AGBL1: variants seen among roughly 807,000 people sequenced by gnomAD.
AGBL1 encodes the protein cytosolic carboxypeptidase 4.
A neutral mutation model predicts 118.9 loss-of-function variants in AGBL1; 130 were observed. The ratio of observed to expected loss-of-function variants is 1.09; its 90% confidence interval spans 0.95 to 1.26. The LOEUF is 1.26. Among genes scored for constraint, AGBL1 ranks in the 50% most tolerant of loss-of-function variants. The pLI is 0.00. For synonymous variants in AGBL1, 555 were observed against 478.9 expected (o/e 1.16, Z -2.08); for missense variants, 1,584 against 1,298.1 (o/e 1.22, Z -3.38).
At position 86,780,178 on chromosome 15, in the gene AGBL1, A is replaced by G. The variant is rs559132492; in HGVS notation, c.3158+105742A>G. Among the ~76,000 whole-genome samples, 22 of 126,432 alleles carry G rather than the reference A, an allele frequency of 1.7e-4. 1 individual carries two copies. The highest frequency in any genetic ancestry group is 3.0e-4 in the Non-Finnish European group (18 of 59,450). The allele number at this position is 126,432 out of a possible 152,430, so 82.9% of individuals were successfully genotyped here. On this transcript the variant is annotated intron_variant, in intron 22 of 22. Coordinates refer to ENST00000614907, the MANE Select transcript of AGBL1 (RefSeq NM_001386094.1). ...TATATAATATGATGTAAGGAACAAG[A>G]CACATTTTCTTGCCATTGACATCAG...
At chr15:86,249,481 C>T (rs2078773907) in intron 7 of AGBL1, among the ~76,000 whole-genome samples, 1 of 152,146 alleles carries the variant, frequency 6.6e-6, no homozygotes, top group Non-Finnish European at 1.5e-5. Context: ...GGTTTCTTTC[C>T]ATCATTACAG....
intron 19 of AGBL1, among the ~76,000 whole-genome samples, chr15:86,525,444 A>G (rs1596224844): frequency 6.6e-6 from 1 of 152,168 alleles, no homozygotes; most frequent in East Asian, 1.9e-4. Flanking sequence ...CTTAGCAAAA[A>G]GAATAATCTG....
rs1006040529 is a variant in AGBL1, at chr15:86,142,036, C to T, written c.84C>T (p.Ile28=). The stretch of plus-strand genomic sequence containing the variant: ...CTGACAAGGAGTCCATCCTGACCAT[C>T]CTCAAGGTCCTCGGAGATCTGCTTT... ...SSSDKESILT[I]LKVLGDLLSV... Residue 28 remains isoleucine (I), a synonymous_variant, in exon 2 of 23, where the codon ATC becomes ATT. Transcript: ENST00000614907. 7 of 1,550,286 alleles carry T rather than the reference C, an allele frequency of 4.5e-6. No individual in the cohort carries two copies. Among genetic ancestry groups the T allele is most frequent in the Middle Eastern group, 1.7e-4 (1 of 5,990 alleles).
At chr15:86,360,208 C>T (rs1184611362) in intron 17 of AGBL1, among the ~76,000 whole-genome samples, 15 of 151,730 alleles carry the variant, frequency 9.9e-5, no homozygotes, top group African/African-American at 2.7e-4. Context: ...TTGAAGTAAG[C>T]CCCTTGTATG....
At chr15:86,463,971 T>C (rs145732436) in intron 18 of AGBL1, among the ~76,000 whole-genome samples, 1 of 152,314 alleles carries the variant, frequency 6.6e-6, no homozygotes, top group South Asian at 2.1e-4. Flanking sequence ...TTTCTGATTC[T>C]ATAAAGAAGG....
intron 24 of AGBL1, among the ~76,000 whole-genome samples, chr15:87,028,076 T>C (rs543033295): frequency 6.6e-6 from 1 of 151,498 alleles, no homozygotes; most frequent in Admixed American, 6.6e-5. Context: ...TATAAATGTA[T>C]GGCCAAAAGA....
chr15:86,480,100 G>A (rs148162221), intron 18 of AGBL1, among the ~76,000 whole-genome samples: 14 of 152,194 alleles, frequency 9.2e-5, no homozygotes, highest in Middle Eastern at 3.4e-3. Context: ...GTGGGGAGAG[G>A]GGGGAGGGAT....
chr15:86,111,764 C>G (rs1273180494), intron 1 of AGBL1, among the ~76,000 whole-genome samples: 1 of 152,158 alleles, frequency 6.6e-6, no homozygotes, highest in Admixed American at 6.5e-5. Flanking sequence ...AACCCCCGGG[C>G]CACAGACTGG....
chr15:86,669,576 A>C (rs1354698043), intron 21 of AGBL1, among the ~76,000 whole-genome samples: 3 of 152,210 alleles, frequency 2.0e-5, no homozygotes, highest in African/African-American at 7.2e-5. Flanking sequence ...ATTCTAAATA[A>C]AAGAAATGAA....
At position 86,266,407 on chromosome 15, in the gene AGBL1, C is replaced by A. The variant is rs753862890; in HGVS notation, c.1701C>A (p.Ile567=). The change falls in exon 12 of 23, where the codon ATC becomes ATA. Residue 567 remains isoleucine, a synonymous_variant. Coordinates refer to ENST00000614907, the MANE Select transcript of AGBL1 (RefSeq NM_001386094.1). ...TATTTGAGGATATTCGGAGGCTCAT[C>A]CAGCCAAGTGATGTTATAAATAAAG... ...IRIFEDIRRL[I]QPSDVINKVV... is the part of the protein sequence containing the mutation. The A allele has an allele frequency of 1.9e-6, 3 of 1,581,126 alleles. No homozygotes were observed. The highest frequency in any genetic ancestry group is 2.3e-5 in the South Asian group (2 of 86,068).
rs116652099 is a variant in AGBL1 at position 86,895,994 on chromosome 15, C to T, written c.3159-11093C>T. ...ATCTCTTACCCATTTACCCTAAACACGACTTTTAAAAATTCCTTCTTGTTT... is the reference window on the plus strand; with the variant it reads ...ATCTCTTACCCATTTACCCTAAACATGACTTTTAAAAATTCCTTCTTGTTT... On this transcript the variant is annotated intron_variant, in intron 22 of 22. Transcript: ENST00000614907. Among the ~76,000 whole-genome samples, 1,429 of 152,120 alleles carry T rather than the reference C, an allele frequency of 9.4e-3. 22 individuals carry two copies. The highest frequency in any genetic ancestry group is 0.032 in the African/African-American group (1,331 of 41,522).
chr15:86,518,713 A>T (rs2083151626), intron 18 of AGBL1, among the ~76,000 whole-genome samples: 1 of 152,084 alleles, frequency 6.6e-6, no homozygotes, highest in Admixed American at 6.6e-5. Flanking sequence ...GTGGCATATG[A>T]AATTCCCACC....
chr15:86,667,202 CTATGTATG>C (rs760570520), intron 21 of AGBL1, among the ~76,000 whole-genome samples: 1 of 130,678 alleles, frequency 7.7e-6, no homozygotes, highest in Admixed American at 8.0e-5. Context: ...ATTGAGATAT[CTATGTATG>C]TATCTATGTA....
At chr15:86,237,328 G>C (rs1267828895) in intron 6 of AGBL1, among the ~76,000 whole-genome samples, 1 of 152,164 alleles carries the variant, frequency 6.6e-6, no homozygotes, top group African/African-American at 2.4e-5. Context: ...AGTGTGAACC[G>C]ATTCATGAGC....
intron 22 of AGBL1, among the ~76,000 whole-genome samples, chr15:86,740,440 T>G (rs1567150079): frequency 1.3e-5 from 2 of 152,204 alleles, no homozygotes; most frequent in Non-Finnish European, 2.9e-5. Context: ...TTGTGTTCTT[T>G]TAGTCTGAAG....
intron 17 of AGBL1, among the ~76,000 whole-genome samples, chr15:86,334,176 C>A (rs2080320607): frequency 6.6e-6 from 1 of 152,074 alleles, no homozygotes; most frequent in Non-Finnish European, 1.5e-5. Context: ...GAAGTCCCAG[C>A]CAGAGCATTC....
intron 21 of AGBL1, among the ~76,000 whole-genome samples, chr15:86,611,015 C>T (rs185412451): frequency 6.6e-6 from 1 of 152,276 alleles, no homozygotes; most frequent in East Asian, 1.9e-4. Flanking sequence ...GAATCTGTGT[C>T]TTAACAAGAC....
At chr15:86,773,407 G>A (rs1258145495) in intron 22 of AGBL1, among the ~76,000 whole-genome samples, 1 of 151,888 alleles carries the variant, frequency 6.6e-6, no homozygotes, top group Non-Finnish European at 1.5e-5. Context: ...GAAAGTGGAT[G>A]TCAATACATA....
intron 22 of AGBL1, among the ~76,000 whole-genome samples, chr15:86,754,127 A>G (rs2077898052): frequency 6.6e-6 from 1 of 152,162 alleles, no homozygotes; most frequent in African/African-American, 2.4e-5. Context: ...AGCTCTAACT[A>G]TAATATATTT....
Sources: gnomAD v4.1 joint callset for allele counts (sites outside exome capture counted in the v4.1 genomes callset) on GRCh38, gnomAD v4.1.1 for gene constraint, MANE v1.5 for transcripts, NCBI Gene and HGNC (gene_info 2026-07-23, HGNC 2026-07-21) for gene names.